Variants in WWP2 observed in about 807,000 individuals in gnomAD.
WWP2 encodes the protein NEDD4-like E3 ubiquitin-protein ligase WWP2.
In WWP2, 57 loss-of-function variants were observed where a neutral mutation model predicts 121.0. The observed-to-expected ratio is 0.47, with a 90% CI of 0.38 to 0.59. The LOEUF (loss-of-function observed/expected upper bound fraction) is 0.59, where lower values mean the gene tolerates loss of function less well. Ranked by LOEUF, WWP2 falls within the 20% of genes least tolerant of loss-of-function variation. The probability of loss-of-function intolerance (pLI) is 0.00; values close to 1 mark genes in which losing one functional copy is unlikely to be tolerated. For synonymous variants in WWP2, 449 were observed against 441.3 expected (o/e 1.02, Z -0.22); for missense variants, 962 against 1,158.9 (o/e 0.83, Z 2.47).
intron 4 of WWP2, among the ~76,000 whole-genome samples, chr16:69,817,190 C>T (rs188550765): frequency 6.6e-6 from 1 of 152,186 alleles, no homozygotes; most frequent in East Asian, 1.9e-4. Flanking sequence ...TTTTTTCACC[C>T]AGTTTTTTCC....
chr16:69,768,411 C>G (rs992270267), intron 1 of WWP2, among the ~76,000 whole-genome samples: 2 of 152,030 alleles, frequency 1.3e-5, no homozygotes, highest in Admixed American at 1.3e-4. Flanking sequence ...GAGTTTAAGA[C>G]CAGCCTGGCC....
chr16:69,909,937 G>GT (rs1162302636), intron 9 of WWP2: 3 of 159,854 alleles, frequency 1.9e-5, no homozygotes, highest in African/African-American at 7.2e-5. Flanking sequence ...CCCTCTGACT[G>GT]TTTTTGTAAA....
At chr16:69,769,964 C>A (rs984799789) in intron 1 of WWP2, among the ~76,000 whole-genome samples, 24 of 150,838 alleles carry the variant, frequency 1.6e-4, no homozygotes, top group Non-Finnish European at 3.1e-4. Context: ...AGCCTCTAAG[C>A]GATTCCCGTG....
At chr16:69,906,838 C>G (rs2058302473) in intron 8 of WWP2, among the ~76,000 whole-genome samples, 1 of 151,764 alleles carries the variant, frequency 6.6e-6, no homozygotes, top group Non-Finnish European at 1.5e-5. Flanking sequence ...TATGATCACA[C>G]CACCACACTC....
At chr16:69,917,308 C>T (rs118166554) in intron 9 of WWP2, among the ~76,000 whole-genome samples, 2,317 of 152,330 alleles carry the variant, frequency 0.015, 27 homozygotes, top group Non-Finnish European at 0.024. Context: ...AAATAATAGC[C>T]AGTGGCCCCC....
In WWP2 at chr16:69,846,049, C is replaced by CAAAAAAAAAAAAAAA. The variant is rs57201672; in HGVS notation, c.575+3936_575+3950dup. The stretch of plus-strand genomic sequence containing the variant: ...TGGGTGACAGAGCCAGACTCCATCT[C>CAAAAAAAAAAAAAAA]AAAAAAAAAAAAAAAAAAAAAGAAT... On this transcript the variant is annotated intron_variant, in intron 6 of 23. Transcript: ENST00000359154. 6.4e-3 allele frequency among the ~76,000 whole-genome samples: 290 copies of CAAAAAAAAAAAAAAA among 45,554 alleles called. 22 individuals are homozygous for CAAAAAAAAAAAAAAA. Among genetic ancestry groups the CAAAAAAAAAAAAAAA allele is most frequent in the African/African-American group, 0.01 (100 of 9,742 alleles). The allele number at this position is 45,554 out of a possible 152,430, so 29.9% of individuals were successfully genotyped here.
intron 6 of WWP2, among the ~76,000 whole-genome samples, chr16:69,845,107 A>C (rs935245294): frequency 2.6e-5 from 4 of 152,186 alleles, no homozygotes; most frequent in Admixed American, 2.6e-4. Context: ...ATTTTGGATA[A>C]GTCACAAAAC....
At chr16:69,912,865 T>C (rs11645233) in intron 9 of WWP2, among the ~76,000 whole-genome samples, 101,696 of 131,330 alleles carry the variant, frequency 0.77, 40,049 homozygotes, top group East Asian at 0.97. Flanking sequence ...GAGGATCGCT[T>C]GAGTCCAGGA....
chr16:69,768,565 G>T (rs141055587), intron 1 of WWP2, among the ~76,000 whole-genome samples: 1 of 152,132 alleles, frequency 6.6e-6, no homozygotes, highest in Non-Finnish European at 1.5e-5. Flanking sequence ...AGCCGAGATT[G>T]CATCACTGCC....
intron 10 of WWP2, among the ~76,000 whole-genome samples, chr16:69,919,074 C>T (rs553189861): frequency 2.2e-3 from 73 of 33,060 alleles, no homozygotes; most frequent in African/African-American, 0.016. Flanking sequence ...GAACTCCTGA[C>T]CTCAAGTGAC....
At chr16:69,787,217 T>C in intron 2 of WWP2, 137 bp downstream of exon 2, 2 of 567,474 alleles carry the variant, frequency 3.5e-6, no homozygotes, top group Non-Finnish European at 5.8e-6. Flanking sequence ...GGGATTGTCA[T>C]CTTGTAGCTG....
intron 4 of WWP2, among the ~76,000 whole-genome samples, chr16:69,810,164 G>C (rs1234752231): frequency 1.3e-5 from 2 of 152,210 alleles, no homozygotes; most frequent in African/African-American, 2.4e-5. Flanking sequence ...TGTTTTCCCT[G>C]GGTGGACTTG....
intron 4 of WWP2, among the ~76,000 whole-genome samples, chr16:69,816,412 C>T (rs1596989655): frequency 6.7e-6 from 1 of 148,838 alleles, no homozygotes; most frequent in Non-Finnish European, 1.5e-5. Context: ...CGAGACCCAC[C>T]GCTCTATTAA....
chr16:69,893,126 A>G (rs1410169049), intron 8 of WWP2, among the ~76,000 whole-genome samples: 5 of 152,202 alleles, frequency 3.3e-5, no homozygotes, highest in Non-Finnish European at 5.9e-5. Context: ...CATCTTGTCC[A>G]TTAATTCCTA....
At chr16:69,895,440 C>T (rs772395854) in intron 8 of WWP2, among the ~76,000 whole-genome samples, 3 of 152,196 alleles carry the variant, frequency 2.0e-5, no homozygotes, top group Non-Finnish European at 4.4e-5. Flanking sequence ...CTATTGAGCA[C>T]ACATGTGGAT....
At chr16:69,896,302 A>G (rs997862708) in intron 8 of WWP2, among the ~76,000 whole-genome samples, 2 of 152,116 alleles carry the variant, frequency 1.3e-5, no homozygotes, top group Admixed American at 6.6e-5. Context: ...TACTTTTTGT[A>G]GAGACAAGGT....
intron 1 of WWP2, among the ~76,000 whole-genome samples, chr16:69,769,965 G>A (rs570292032): frequency 1.3e-4 from 20 of 150,244 alleles, no homozygotes; most frequent in Admixed American, 7.3e-4. Flanking sequence ...GCCTCTAAGC[G>A]ATTCCCGTGC....
intron 7 of WWP2, among the ~76,000 whole-genome samples, chr16:69,879,123 C>T (rs2133799): frequency 0.53 from 79,818 of 151,888 alleles, 21,547 homozygotes; most frequent in East Asian, 0.9. Context: ...AGTATTTGAT[C>T]ATTTGTCCTT....
intron 8 of WWP2, among the ~76,000 whole-genome samples, chr16:69,892,041 A>G (rs2058036718): frequency 6.6e-6 from 1 of 152,158 alleles, no homozygotes; most frequent in African/African-American, 2.4e-5. Flanking sequence ...TCTAGGTGCC[A>G]TACGGGCAGG....
Sources: allele counts gnomAD v4.1 joint callset (sites outside exome capture counted in the v4.1 genomes callset), GRCh38; gene constraint gnomAD v4.1.1; transcripts MANE v1.5; gene names NCBI Gene and HGNC (gene_info 2026-07-23, HGNC 2026-07-21).